The following CFAP299 variants were observed in gnomAD, a reference collection of about 807,000 sequenced individuals.
CFAP299 encodes cilia and flagella associated protein 299, also known as cilia- and flagella-associated protein 299.
A neutral mutation model predicts 27.0 loss-of-function variants in CFAP299; 21 were observed. The observed-to-expected ratio is 0.78, with a 90% CI of 0.55 to 1.12. The LOEUF (loss-of-function observed/expected upper bound fraction) is 1.12. Ranked by LOEUF, CFAP299 falls within the 50% of genes most tolerant of loss-of-function variation. CFAP299 has a pLI of 0.00. For synonymous variants in CFAP299, 104 were observed against 98.1 expected, an observed-to-expected ratio of 1.06 and a Z score of -0.36; for missense variants, 310 against 276.6, an observed-to-expected ratio of 1.12 and a Z score of -0.86.
chr4:80,410,345 T>A (rs1726659785), intron 2 of CFAP299, among the ~76,000 whole-genome samples: 1 of 152,172 alleles, frequency 6.6e-6, no homozygotes, highest in Admixed American at 6.5e-5. Flanking sequence ...TTGCGTGTCC[T>A]CCCACCTCAG....
At chr4:80,347,140 C>T (rs1722770696) in intron 1 of CFAP299, among the ~76,000 whole-genome samples, 1 of 151,976 alleles carries the variant, frequency 6.6e-6, no homozygotes, top group Non-Finnish European at 1.5e-5. Flanking sequence ...TGAGACTTTG[C>T]TGAAGTTGCT....
intron 2 of CFAP299, among the ~76,000 whole-genome samples, chr4:80,424,092 G>A (rs1727424788): frequency 6.6e-6 from 1 of 152,160 alleles, no homozygotes; most frequent in African/African-American, 2.4e-5. Flanking sequence ...ATGTGGATGT[G>A]TGTCCTCCTG....
chr4:80,645,324 T>C (rs1241850321), intron 3 of CFAP299, among the ~76,000 whole-genome samples: 1 of 151,848 alleles, frequency 6.6e-6, no homozygotes, highest in Non-Finnish European at 1.5e-5. Flanking sequence ...TTTAGAGGTA[T>C]ACAGCACCAA....
rs553076077 is a variant in CFAP299 at position 80,390,891 on chromosome 4, A to G, written c.242+28007A>G. On this transcript the variant is annotated intron_variant, in intron 2 of 5. Coordinates refer to ENST00000358105, the MANE Select transcript of CFAP299 (RefSeq NM_152770.3). ...CGCACATATATGTATATATGTATAT[A>G]CACACATATGCATATATGTATATAC... 2.1e-3 allele frequency among the ~76,000 whole-genome samples: 133 copies of G among 64,180 alleles called. 2 individuals are homozygous for G. In the East Asian group the frequency reaches 0.023, roughly 11 times the overall value. The allele number at this position is 64,180 out of a possible 152,430, so 42.1% of individuals were successfully genotyped here.
intron 3 of CFAP299, among the ~76,000 whole-genome samples, chr4:80,856,327 C>G (rs1015969253): frequency 1.4e-5 from 2 of 146,316 alleles, no homozygotes; most frequent in East Asian, 2.0e-4. Context: ...GAGTAGGTTG[C>G]GAAAATTTTC....
chr4:80,872,946 T>C, intron 4 of CFAP299: 5 of 971,652 alleles, frequency 5.1e-6, no homozygotes, highest in Non-Finnish European at 6.1e-6. Context: ...TTGATTTTGA[T>C]GGTCAGAAAT....
intron 3 of CFAP299, among the ~76,000 whole-genome samples, chr4:80,801,617 T>TTAG (rs10693653): frequency 0.33 from 50,847 of 151,822 alleles, 10,265 homozygotes; most frequent in African/African-American, 0.56. Flanking sequence ...TGACTGTTGG[T>TTAG]TAGAAGAAAT....
intron 2 of CFAP299, among the ~76,000 whole-genome samples, chr4:80,512,702 G>A (rs2132271): frequency 0.32 from 47,947 of 151,828 alleles, 8,904 homozygotes; most frequent in African/African-American, 0.51. Flanking sequence ...TAGAGCTGTG[G>A]TGCAAAAAGC....
chr4:80,773,423 G>A (rs942083894), intron 3 of CFAP299, among the ~76,000 whole-genome samples: 1 of 152,000 alleles, frequency 6.6e-6, no homozygotes, highest in Admixed American at 6.6e-5. Context: ...TATTTGGAGG[G>A]TATGGATTTG....
At chr4:80,854,505 A>G (rs1398085602) in intron 3 of CFAP299, among the ~76,000 whole-genome samples, 1 of 151,998 alleles carries the variant, frequency 6.6e-6, no homozygotes, top group Non-Finnish European at 1.5e-5. Flanking sequence ...CAAATGCACA[A>G]AAAGAGAGAC....
chr4:80,528,298 G>A (rs1249376361), intron 2 of CFAP299, among the ~76,000 whole-genome samples: 1 of 151,660 alleles, frequency 6.6e-6, no homozygotes, highest in African/African-American at 2.4e-5. Context: ...TCCTACACAT[G>A]CTCATGCCTC....
chr4:80,386,667 C>T (rs1578383193), intron 2 of CFAP299: 25 of 1,587,420 alleles, frequency 1.6e-5, no homozygotes, highest in South Asian at 2.2e-5. Context: ...AGGTGCTCGG[C>T]GAGGTGGGCA....
intron 1 of CFAP299, among the ~76,000 whole-genome samples, chr4:80,337,039 A>G (rs1722180723): frequency 6.6e-6 from 1 of 152,236 alleles, no homozygotes; most frequent in South Asian, 2.1e-4. Context: ...TGGTATTTCC[A>G]ATATAGCTCC....
chr4:80,458,772 A>G (rs1407643154), intron 2 of CFAP299, among the ~76,000 whole-genome samples: 1 of 152,246 alleles, frequency 6.6e-6, no homozygotes, highest in East Asian at 1.9e-4. Context: ...ATAGGCTAAA[A>G]TAGCAAGGTT....
chr4:80,885,293 C>G (rs1052908611), intron 4 of CFAP299, among the ~76,000 whole-genome samples: 14 of 152,166 alleles, frequency 9.2e-5, no homozygotes, highest in Non-Finnish European at 1.5e-4. Flanking sequence ...GTCTAGGACA[C>G]AAGGACTGCA....
intron 3 of CFAP299, among the ~76,000 whole-genome samples, chr4:80,858,598 G>T (rs1732090951): frequency 6.6e-6 from 1 of 151,846 alleles, no homozygotes; most frequent in African/African-American, 2.4e-5. Context: ...CAGGGATTCT[G>T]GTATGTTGTG....
At chr4:80,785,935 C>T (rs956282757) in intron 3 of CFAP299, among the ~76,000 whole-genome samples, 2 of 152,066 alleles carry the variant, frequency 1.3e-5, no homozygotes, top group African/African-American at 2.4e-5. Context: ...TTGAGGTACA[C>T]TTCTTAAATC....
chr4:80,902,660 C>T (rs1734989024), intron 4 of CFAP299, among the ~76,000 whole-genome samples: 1 of 147,700 alleles, frequency 6.8e-6, no homozygotes, highest in East Asian at 2.0e-4. Flanking sequence ...TATAGTATAT[C>T]ATCAACCTTT....
chr4:80,770,362 G>T (rs984097248), intron 3 of CFAP299, among the ~76,000 whole-genome samples: 2 of 152,170 alleles, frequency 1.3e-5, no homozygotes, highest in African/African-American at 4.8e-5. Context: ...GTTTACTATA[G>T]GCTCCTGGCA....
Sources: gnomAD v4.1 joint callset for allele counts (sites outside exome capture counted in the v4.1 genomes callset) on GRCh38, gnomAD v4.1.1 for gene constraint, MANE v1.5 for transcripts, NCBI Gene and HGNC (gene_info 2026-07-23, HGNC 2026-07-21) for gene names.